Variants in NBEA observed in about 807,000 individuals in gnomAD.
NBEA encodes neurobeachin, also known as lysosomal-trafficking regulator 2.
In NBEA, 44 loss-of-function variants were observed where a neutral mutation model predicts 343.4. That is an observed-to-expected ratio of 0.13 (90% CI 0.10 to 0.16). The LOEUF (loss-of-function observed/expected upper bound fraction) is 0.16, where lower values mean the gene tolerates loss of function less well. Ranked by LOEUF, NBEA falls within the 10% of genes least tolerant of loss-of-function variation. The pLI, the probability that NBEA is intolerant of heterozygous loss-of-function variation, is 1.00. For synonymous variants in NBEA, 1,175 were observed against 1,238.7 expected (o/e 0.95, Z 1.08); for missense variants, 2,555 against 3,631.3 (o/e 0.70, Z 7.62).
intron 35 of NBEA, among the ~76,000 whole-genome samples, chr13:35,308,188 C>T (rs994372223): frequency 2.0e-5 from 3 of 151,428 alleles, no homozygotes; most frequent in Admixed American, 1.3e-4. Flanking sequence ...GGAAAGGGAT[C>T]AGGAGTAGAA....
chr13:35,210,468 C>T (rs2073695954), intron 32 of NBEA, among the ~76,000 whole-genome samples: 1 of 152,150 alleles, frequency 6.6e-6, no homozygotes, highest in South Asian at 2.1e-4. Flanking sequence ...TGTCCCTCAA[C>T]TCCACAGCTA....
intron 1 of NBEA, among the ~76,000 whole-genome samples, chr13:34,950,696 C>G (rs1322456712): frequency 1.3e-5 from 2 of 151,546 alleles, no homozygotes; most frequent in African/African-American, 4.8e-5. Flanking sequence ...TGATATATTT[C>G]AAGAAAGAAG....
intron 33 of NBEA, among the ~76,000 whole-genome samples, chr13:35,221,525 TTTC>T (rs1370754429): frequency 6.6e-6 from 1 of 152,152 alleles, no homozygotes; most frequent in Non-Finnish European, 1.5e-5. Context: ...TCTACTTATA[TTTC>T]TTTTCTTGTT....
intron 34 of NBEA, among the ~76,000 whole-genome samples, chr13:35,285,059 C>T (rs994814439): frequency 6.6e-6 from 1 of 152,136 alleles, no homozygotes; most frequent in African/African-American, 2.4e-5. Flanking sequence ...CTTTCCACGT[C>T]TATAGTTATT....
intron 38 of NBEA, among the ~76,000 whole-genome samples, chr13:35,368,784 A>C (rs2041266665): frequency 6.6e-6 from 1 of 151,744 alleles, no homozygotes; most frequent in East Asian, 1.9e-4. Flanking sequence ...TTATTATGTC[A>C]TTCCTTGTTA....
rs145878558 is a variant in NBEA at position 35,267,291 on chromosome 13, C to T, written c.5777-23098C>T. 1.5e-3 allele frequency among the ~76,000 whole-genome samples: 233 copies of T among 151,932 alleles called. 1 individual carries two copies. Among genetic ancestry groups the T allele is most frequent in the African/African-American group, 5.0e-3 (207 of 41,506 alleles). On this transcript the variant is annotated intron_variant, in intron 34 of 58. Coordinates refer to ENST00000379939, the MANE Select transcript of NBEA (RefSeq NM_001385012.1). ...TGTTCTTACCACAAAAATAACTGTG[C>T]GAGGCAATGCATATGCTAATTAGCT...
chr13:35,192,861 G>A (rs1298949861), intron 30 of NBEA, among the ~76,000 whole-genome samples: 2 of 151,858 alleles, frequency 1.3e-5, no homozygotes, highest in African/African-American at 4.8e-5. Flanking sequence ...TATAGCTTGA[G>A]AAGTTTAAAC....
At chr13:35,625,954 A>T (rs1412069543) in intron 48 of NBEA, among the ~76,000 whole-genome samples, 1 of 152,094 alleles carries the variant, frequency 6.6e-6, no homozygotes, top group African/African-American at 2.4e-5. Flanking sequence ...TCCCAGTTCT[A>T]CTCCAGATTA....
In NBEA at chr13:35,196,321, A is replaced by G. The variant is rs544552884; in HGVS notation, c.5366+19A>G. The G allele has an allele frequency of 2.5e-6, 4 of 1,585,118 alleles. No individual in the cohort carries two copies. In the South Asian group the frequency reaches 3.4e-5, roughly 14 times the overall value. On this transcript the variant is annotated intron_variant, in intron 31 of 58. Coordinates refer to ENST00000379939, the MANE Select transcript of NBEA (RefSeq NM_001385012.1). ...TTGACAGGTAGGTACTGAACTTATT[A>G]TTCACAGGGCTTTATACATAAAAGG... is the stretch of plus-strand genomic sequence containing the variant.
intron 34 of NBEA, chr13:35,251,552 A>T: frequency 8.5e-7 from 1 of 1,182,876 alleles, no homozygotes; most frequent in South Asian, 1.7e-5. Context: ...TCCTTGATGC[A>T]TGTGACCTTC....
intron 4 of NBEA, 89 bp downstream of exon 4, chr13:35,045,490 A>G: frequency 1.9e-6 from 2 of 1,037,626 alleles, no homozygotes; most frequent in South Asian, 1.7e-5. Flanking sequence ...AAAATTTACC[A>G]GTTTAGAAAG....
chr13:35,117,996 A>T (rs1221302939), intron 14 of NBEA, among the ~76,000 whole-genome samples: 2 of 152,002 alleles, frequency 1.3e-5, no homozygotes, highest in Non-Finnish European at 1.5e-5. Context: ...AACTTTTTAT[A>T]GTGAATGTCA....
intron 41 of NBEA, among the ~76,000 whole-genome samples, chr13:35,507,129 C>T (rs1313321644): frequency 6.6e-6 from 1 of 152,094 alleles, no homozygotes; most frequent in Admixed American, 6.6e-5. Flanking sequence ...ATAGGCCAAT[C>T]TCTATTCTAT....
chr13:34,987,903 T>C (rs1386346151), intron 1 of NBEA, among the ~76,000 whole-genome samples: 1 of 150,992 alleles, frequency 6.6e-6, no homozygotes, highest in Non-Finnish European at 1.5e-5. Context: ...TCTAATCTTT[T>C]TTCAAGGTTT....
chr13:35,491,356 A>G (rs2076492660), intron 41 of NBEA, among the ~76,000 whole-genome samples: 1 of 151,924 alleles, frequency 6.6e-6, no homozygotes, highest in Admixed American at 6.6e-5. Context: ...TCTCTAGCCA[A>G]GACCTCTCCC....
chr13:35,310,981 A>G (rs2037323419), intron 36 of NBEA, among the ~76,000 whole-genome samples: 2 of 152,122 alleles, frequency 1.3e-5, no homozygotes. Flanking sequence ...ATAACAATTT[A>G]TCTTATTTTA....
chr13:35,513,999 A>G (rs886095678), intron 41 of NBEA, among the ~76,000 whole-genome samples: 23 of 152,090 alleles, frequency 1.5e-4, no homozygotes, highest in Non-Finnish European at 3.1e-4. Flanking sequence ...ATTAATATAC[A>G]TTTTAAATTA....
Position 35,050,672 on chromosome 13 carries a change from G to C in NBEA, c.972+277G>C, listed in dbSNP as rs547359483. Among the ~76,000 whole-genome samples the C allele has an allele frequency of 2.0e-5, 3 of 152,004 alleles. No individual in the cohort carries two copies. In the South Asian group the frequency reaches 6.2e-4, roughly 32 times the overall value. ...TTTCAATAGATACTTATTATCTACT[G>C]AGTATTGGATACCATTGTAGGCACT... On this transcript the variant is annotated intron_variant, in intron 6 of 58. Transcript: ENST00000379939.
chr13:35,312,975 C>A (rs1391054644), intron 36 of NBEA, among the ~76,000 whole-genome samples: 3 of 152,120 alleles, frequency 2.0e-5, no homozygotes, highest in African/African-American at 7.2e-5. Flanking sequence ...AAAGAGAGAG[C>A]TGGCATGGAG....
Sources: gnomAD v4.1 joint callset for allele counts (sites outside exome capture counted in the v4.1 genomes callset) on GRCh38, gnomAD v4.1.1 for gene constraint, MANE v1.5 for transcripts, NCBI Gene and HGNC (gene_info 2026-07-23, HGNC 2026-07-21) for gene names.